Variants in HS6ST3 observed in about 807,000 individuals in gnomAD.
HS6ST3 encodes heparan sulfate 6-O-sulfotransferase 3, also known as heparan-sulfate 6-O-sulfotransferase 3.
A neutral mutation model predicts 36.7 loss-of-function variants in HS6ST3; 12 were observed. That is an observed-to-expected ratio of 0.33 (90% CI 0.21 to 0.53). HS6ST3 has a LOEUF of 0.53. Among genes scored for constraint, HS6ST3 ranks in the 20% least tolerant of loss-of-function variants. The pLI is 0.95. For synonymous variants in HS6ST3, 240 were observed against 257.5 expected (o/e 0.93, Z 0.65); for missense variants, 584 against 640.9 (o/e 0.91, Z 0.96).
intron 1 of HS6ST3, among the ~76,000 whole-genome samples, chr13:96,787,417 A>G (rs1413091936): frequency 6.6e-6 from 1 of 152,090 alleles, no homozygotes; most frequent in African/African-American, 2.4e-5. Flanking sequence ...TCTTTTATGC[A>G]TGCATGTATG....
At chr13:96,142,595 A>G (rs1010385978) in intron 1 of HS6ST3, among the ~76,000 whole-genome samples, 1 of 152,164 alleles carries the variant, frequency 6.6e-6, no homozygotes, top group African/African-American at 2.4e-5. Context: ...GGAAGGGAAT[A>G]TATTGTACTC....
chr13:96,280,698 A>G (rs1375628073), intron 1 of HS6ST3, among the ~76,000 whole-genome samples: 2 of 152,224 alleles, frequency 1.3e-5, no homozygotes, highest in Non-Finnish European at 1.5e-5. Flanking sequence ...TCTAGAAGAT[A>G]GGTCTAGTGT....
chr13:96,146,942 AGGT>A (rs2054060935), intron 1 of HS6ST3, among the ~76,000 whole-genome samples: 1 of 152,228 alleles, frequency 6.6e-6, no homozygotes, highest in African/African-American at 2.4e-5. Flanking sequence ...CTGCAAAAGA[AGGT>A]TGTTATACCA....
chr13:96,706,229 G>A (rs990438917), intron 1 of HS6ST3, among the ~76,000 whole-genome samples: 1 of 151,770 alleles, frequency 6.6e-6, no homozygotes, highest in South Asian at 2.1e-4. Context: ...CCTAACAAAT[G>A]AACATTAGTT....
intron 1 of HS6ST3, among the ~76,000 whole-genome samples, chr13:96,612,679 T>C (rs752155879): frequency 3.9e-5 from 6 of 152,194 alleles, no homozygotes; most frequent in Non-Finnish European, 8.8e-5. Context: ...AGAGTCATCC[T>C]GGACTCCTCT....
chr13:96,304,719 T>TTC (rs1566317948), intron 1 of HS6ST3, among the ~76,000 whole-genome samples: 1 of 53,518 alleles, frequency 1.9e-5, no homozygotes, highest in Admixed American at 1.5e-4. Flanking sequence ...TTCTTTTTTT[T>TTC]TTTTTTTTTT....
At chr13:96,702,545 C>T (rs116414344) in intron 1 of HS6ST3, among the ~76,000 whole-genome samples, 1 of 152,168 alleles carries the variant, frequency 6.6e-6, no homozygotes, top group African/African-American at 2.4e-5. Context: ...GAGTACAGTG[C>T]GGATCATCTA....
intron 1 of HS6ST3, among the ~76,000 whole-genome samples, chr13:96,241,297 ATT>A (rs2054558537): frequency 6.6e-6 from 1 of 152,168 alleles, no homozygotes; most frequent in Non-Finnish European, 1.5e-5. Flanking sequence ...AACTCCTTCC[ATT>A]TCTATCACCT....
intron 1 of HS6ST3, among the ~76,000 whole-genome samples, chr13:96,676,735 A>G (rs2056700086): frequency 6.6e-6 from 1 of 152,198 alleles, no homozygotes; most frequent in Non-Finnish European, 1.5e-5. Flanking sequence ...CTCAGAAACT[A>G]CCAGGAAAAG....
At chr13:96,391,382 A>G (rs1387242783) in intron 1 of HS6ST3, among the ~76,000 whole-genome samples, 1 of 152,216 alleles carries the variant, frequency 6.6e-6, no homozygotes, top group Non-Finnish European at 1.5e-5. Context: ...CCCCAAAATC[A>G]GTACTCATGC....
At chr13:96,399,162 T>C (rs1594771603) in intron 1 of HS6ST3, among the ~76,000 whole-genome samples, 1 of 152,364 alleles carries the variant, frequency 6.6e-6, no homozygotes, top group East Asian at 1.9e-4. Flanking sequence ...AATACTTCTC[T>C]GATTTTGACC....
At chr13:96,563,160 A>G (rs893365777) in intron 1 of HS6ST3, among the ~76,000 whole-genome samples, 3 of 152,098 alleles carry the variant, frequency 2.0e-5, no homozygotes, top group Non-Finnish European at 2.9e-5. Context: ...ATCATCTTAC[A>G]TAGGTATTTT....
chr13:96,206,404 A>G (rs984260859), intron 1 of HS6ST3, among the ~76,000 whole-genome samples: 5 of 152,248 alleles, frequency 3.3e-5, no homozygotes, highest in African/African-American at 9.6e-5. Flanking sequence ...TATACATTCA[A>G]TGCTATTCTC....
intron 1 of HS6ST3, among the ~76,000 whole-genome samples, chr13:96,533,956 C>G (rs2138936681): frequency 6.6e-6 from 1 of 152,330 alleles, no homozygotes; most frequent in East Asian, 1.9e-4. Flanking sequence ...TTACACACAC[C>G]TTCCCTTTCT....
intron 1 of HS6ST3, among the ~76,000 whole-genome samples, chr13:96,637,711 C>T (rs961313045): frequency 4.6e-5 from 7 of 151,876 alleles, no homozygotes; most frequent in African/African-American, 1.7e-4. Context: ...CAGTGGTGAA[C>T]AAAAATGGAG....
At chr13:96,670,075 G>A (rs2056677971) in intron 1 of HS6ST3, among the ~76,000 whole-genome samples, 1 of 152,146 alleles carries the variant, frequency 6.6e-6, no homozygotes, top group African/African-American at 2.4e-5. Context: ...AGGGCACTTT[G>A]ACATTTAGAA....
intron 1 of HS6ST3, among the ~76,000 whole-genome samples, chr13:96,591,622 T>C (rs1399030721): frequency 1.3e-5 from 2 of 152,124 alleles, no homozygotes; most frequent in Non-Finnish European, 2.9e-5. Context: ...TTTCCAAATA[T>C]AGGATCATTT....
intron 1 of HS6ST3, among the ~76,000 whole-genome samples, chr13:96,314,565 T>A (rs868775961): frequency 2.6e-5 from 4 of 152,206 alleles, no homozygotes; most frequent in Non-Finnish European, 5.9e-5. Flanking sequence ...GCAGTCTATA[T>A]GTCTTTGGAG....
chr13:96,100,370 T>C (rs1220366206), intron 1 of HS6ST3, among the ~76,000 whole-genome samples: 1 of 152,172 alleles, frequency 6.6e-6, no homozygotes, highest in Non-Finnish European at 1.5e-5. Context: ...AGAGGCACAC[T>C]TTGGGATTTC....
Sources: gnomAD v4.1 joint callset for allele counts (sites outside exome capture counted in the v4.1 genomes callset) on GRCh38, gnomAD v4.1.1 for gene constraint, MANE v1.5 for transcripts, NCBI Gene and HGNC (gene_info 2026-07-23, HGNC 2026-07-21) for gene names.